Variants in WDFY3 observed in about 807,000 individuals in gnomAD.
WDFY3 encodes WD repeat and FYVE domain-containing protein 3.
Under a neutral mutation model 409.6 loss-of-function variants are expected in WDFY3, and 66 were observed. That is an observed-to-expected ratio of 0.16 (90% confidence interval 0.13 to 0.20). The LOEUF is 0.20. Among genes scored for constraint, WDFY3 ranks in the 10% least tolerant of loss-of-function variants. The pLI is 1.00. For missense variants in WDFY3, 3,031 were observed against 4,298.1 expected, an observed-to-expected ratio of 0.71 and a Z score of 8.24; for synonymous variants, 1,521 against 1,537.1, an observed-to-expected ratio of 0.99 and a Z score of 0.25.
intron 6 of WDFY3, among the ~76,000 whole-genome samples, chr4:84,840,315 T>C (rs998235065): frequency 6.6e-6 from 1 of 152,182 alleles, no homozygotes; most frequent in African/African-American, 2.4e-5. Context: ...ATAAATCAAA[T>C]GAGAAGAAAA....
chr4:84,698,428 C>G (rs917431820), intron 56 of WDFY3, among the ~76,000 whole-genome samples: 5 of 151,460 alleles, frequency 3.3e-5, no homozygotes, highest in Non-Finnish European at 4.4e-5. Context: ...GCACGTGCCA[C>G]CATGCCTGGC....
intron 51 of WDFY3, 83 bp from the exon 52 acceptor site, chr4:84,709,430 C>G: frequency 8.1e-7 from 1 of 1,240,708 alleles, no homozygotes; most frequent in Non-Finnish European, 1.1e-6. Flanking sequence ...ATTTAAGTCA[C>G]CTGGTCCAGG....
At position 84,739,130 on chromosome 4, in the gene WDFY3, CCA is replaced by C. The variant is rs1281784399; in HGVS notation, c.6465-13_6465-12del. The C allele has an allele frequency of 6.2e-7, 1 of 1,613,494 alleles. No homozygotes were observed. The highest frequency in any genetic ancestry group is 8.5e-7 in the Non-Finnish European group (1 of 1,179,652). The stretch of plus-strand genomic sequence containing the variant: ...AATCCATCCACGTTGCTGAAAAATT[CCA>C]GTCAGTTTAAACTTTATGAAGGAAA... On this transcript the variant is annotated splice_polypyrimidine_tract_variant and intron_variant, in intron 39 of 67. Coordinates refer to ENST00000295888, the MANE Select transcript of WDFY3 (RefSeq NM_014991.6).
chr4:84,678,113 T>C, intron 66 of WDFY3, 55 bp downstream of exon 66: 1 of 1,393,896 alleles, frequency 7.2e-7, no homozygotes, highest in East Asian at 2.3e-5. Flanking sequence ...ATGTGGCCCT[T>C]GGCTAACCAA....
chr4:84,709,951 A>G (rs144975695), intron 51 of WDFY3, among the ~76,000 whole-genome samples: 11 of 152,216 alleles, frequency 7.2e-5, no homozygotes, highest in Middle Eastern at 3.4e-3. Context: ...CGACCTCCTG[A>G]CCTCAGGTGA....
chr4:84,768,125 C>T (rs373925747), intron 30 of WDFY3, among the ~76,000 whole-genome samples: 62 of 152,134 alleles, frequency 4.1e-4, no homozygotes, highest in African/African-American at 1.5e-3. Flanking sequence ...AAAGCTGGAA[C>T]CAGAAGAGGT....
chr4:84,834,199 T>A (rs184107770), intron 7 of WDFY3, among the ~76,000 whole-genome samples: 1 of 152,358 alleles, frequency 6.6e-6, no homozygotes, highest in East Asian at 1.9e-4. Flanking sequence ...AATACTTTTT[T>A]ACAAATCAAA....
At chr4:84,820,052 C>T in intron 12 of WDFY3, 33 bp downstream of exon 12, 6 of 1,553,944 alleles carry the variant, frequency 3.9e-6, no homozygotes, top group Non-Finnish European at 5.3e-6. Context: ...GTGGTAATCT[C>T]CCAAAGTATT....
At chr4:84,689,257 T>C (rs1190395457) in intron 61 of WDFY3, among the ~76,000 whole-genome samples, 2 of 152,190 alleles carry the variant, frequency 1.3e-5, no homozygotes, top group African/African-American at 4.8e-5. Context: ...ACACATGAAG[T>C]ATATATATGT....
At chr4:84,709,689 G>A (rs1002466714) in intron 51 of WDFY3, among the ~76,000 whole-genome samples, 5 of 152,202 alleles carry the variant, frequency 3.3e-5, no homozygotes, top group Non-Finnish European at 7.4e-5. Context: ...ATTCAAAAGA[G>A]TTGGAAGAAC....
chr4:84,743,162 A>G (rs1048760123), intron 37 of WDFY3, among the ~76,000 whole-genome samples: 57 of 152,146 alleles, frequency 3.7e-4, no homozygotes, highest in African/African-American at 1.3e-3. Flanking sequence ...CTAACCCATT[A>G]TGTTTCCTTC....
intron 10 of WDFY3, among the ~76,000 whole-genome samples, chr4:84,822,706 T>A (rs1014552025): frequency 8.5e-5 from 13 of 152,110 alleles, no homozygotes; most frequent in African/African-American, 3.1e-4. Flanking sequence ...AAAGCAATCC[T>A]GTCTGTAAAA....
intron 56 of WDFY3, 73 bp from the exon 57 acceptor site, chr4:84,696,896 C>T: frequency 7.4e-7 from 1 of 1,353,646 alleles, no homozygotes; most frequent in Non-Finnish European, 1.0e-6. Context: ...ATTAATCTGA[C>T]TGAGAAATGG....
At chr4:84,862,811 C>T (rs560871109) in intron 3 of WDFY3, among the ~76,000 whole-genome samples, 113 of 152,258 alleles carry the variant, frequency 7.4e-4, no homozygotes, top group Admixed American at 4.3e-3. Flanking sequence ...CACGGTGAAA[C>T]CCCGTCTCTA....
chr4:84,942,970 T>C (rs902316249), intron 1 of WDFY3, among the ~76,000 whole-genome samples: 2 of 152,216 alleles, frequency 1.3e-5, no homozygotes, highest in African/African-American at 4.8e-5. Flanking sequence ...ACAGTAAACT[T>C]GAACAACATG....
intron 56 of WDFY3, among the ~76,000 whole-genome samples, chr4:84,697,902 G>A (rs1442967245): frequency 1.3e-5 from 2 of 152,098 alleles, no homozygotes; most frequent in Non-Finnish European, 2.9e-5. Flanking sequence ...ATTGCTAGTC[G>A]ATGGTTTATT....
At chr4:84,791,173 G>A (rs900719256) in intron 21 of WDFY3, among the ~76,000 whole-genome samples, 1 of 152,182 alleles carries the variant, frequency 6.6e-6, no homozygotes, top group African/African-American at 2.4e-5. Context: ...GGACAGATGA[G>A]TAGATAAAGA....
chr4:84,797,736 G>C (rs1749732703), intron 18 of WDFY3, among the ~76,000 whole-genome samples: 1 of 151,734 alleles, frequency 6.6e-6, no homozygotes, highest in African/African-American at 2.4e-5. Context: ...GCCTGCCACT[G>C]CGCCCGGCTA....
chr4:84,737,178 C>A lies in WDFY3; in HGVS notation c.6757+6G>T. 6.2e-7 allele frequency: 1 copy of A among 1,614,020 alleles called. No homozygotes were observed. Among genetic ancestry groups the A allele is most frequent in the Non-Finnish European group, 8.5e-7 (1 of 1,179,988 alleles). ...CTCCTGGTGGTATGATCTCTGTAGG[C>A]CTTACCCAAATGATTCTGCCAGCAC... On this transcript the variant is annotated splice_donor_region_variant and intron_variant, in intron 41 of 67. Transcript: ENST00000295888.
Sources: gnomAD v4.1 joint callset for allele counts (sites outside exome capture counted in the v4.1 genomes callset) on GRCh38, gnomAD v4.1.1 for gene constraint, MANE v1.5 for transcripts, NCBI Gene and HGNC (gene_info 2026-07-23, HGNC 2026-07-21) for gene names.